The following UBE2E2 variants were observed in gnomAD, a reference collection of about 807,000 sequenced individuals.
The protein encoded by UBE2E2 is ubiquitin-conjugating enzyme E2 E2.
In UBE2E2, 6 loss-of-function variants were observed where a neutral mutation model predicts 24.7. That is an observed-to-expected ratio of 0.24 (90% CI 0.13 to 0.48). The LOEUF (loss-of-function observed/expected upper bound fraction) is 0.48. Among genes scored for constraint, UBE2E2 ranks in the 20% least tolerant of loss-of-function variants. The pLI is 0.99. For missense variants in UBE2E2, 169 were observed against 245.0 expected, an observed-to-expected ratio of 0.69 and a Z score of 2.07; for synonymous variants, 104 against 83.6, an observed-to-expected ratio of 1.24 and a Z score of -1.33.
chr3:23,237,191 G>A (rs1023544098), intron 3 of UBE2E2, among the ~76,000 whole-genome samples: 1 of 152,058 alleles, frequency 6.6e-6, no homozygotes, highest in African/African-American at 2.4e-5. Flanking sequence ...GGCATATAAG[G>A]GCTCAAAAAT....
chr3:23,574,958 C>G (rs139823797), intron 5 of UBE2E2, among the ~76,000 whole-genome samples: 175 of 152,246 alleles, frequency 1.1e-3, no homozygotes, highest in African/African-American at 4.1e-3. Context: ...TTTTGAGCAC[C>G]TACATGACTC....
rs2125378076 is a variant in UBE2E2 at position 23,407,957 on chromosome 3, C to T, written c.228-91651C>T. On this transcript the variant is annotated intron_variant, in intron 3 of 5. Transcript: ENST00000396703. This position sits in a 1 kb window ranked among gnomAD's most constrained non-coding sequence, Gnocchi z 4.0. ...TCTGAAATGAAATACAGATACTTAC[C>T]TTTATGTGTAATTGTGCTTCTGGTG... is the stretch of plus-strand genomic sequence containing the variant. Among the ~76,000 whole-genome samples, 1 of 149,952 alleles carries T rather than the reference C, an allele frequency of 6.7e-6. No homozygotes were observed. The highest frequency in any genetic ancestry group is 2.0e-4 in the East Asian group (1 of 5,112).
chr3:23,573,743 A>G (rs575760218), intron 5 of UBE2E2, among the ~76,000 whole-genome samples: 117 of 152,294 alleles, frequency 7.7e-4, no homozygotes, highest in African/African-American at 2.8e-3. Flanking sequence ...CACTTGCAAT[A>G]CCTAAATAGC....
chr3:23,425,219 GCTA>G (rs1275761534), intron 3 of UBE2E2, among the ~76,000 whole-genome samples: 1 of 152,122 alleles, frequency 6.6e-6, no homozygotes, highest in Admixed American at 6.6e-5. Flanking sequence ...CATTAAAACA[GCTA>G]CTTTTTAGTT....
chr3:23,378,656 T>C (rs1177770337), intron 3 of UBE2E2, among the ~76,000 whole-genome samples: 1 of 151,736 alleles, frequency 6.6e-6, no homozygotes, highest in Non-Finnish European at 1.5e-5. Flanking sequence ...GTGAATTGGC[T>C]TCTGTTTTTG....
At chr3:23,249,043 G>T (rs1697499535) in intron 3 of UBE2E2, among the ~76,000 whole-genome samples, 1 of 152,174 alleles carries the variant, frequency 6.6e-6, no homozygotes, top group African/African-American at 2.4e-5. Flanking sequence ...GGCTGACGTG[G>T]GAGGATTGCT....
At chr3:23,419,657 A>G (rs572034611) in intron 3 of UBE2E2, among the ~76,000 whole-genome samples, 1 of 152,130 alleles carries the variant, frequency 6.6e-6, no homozygotes, top group Non-Finnish European at 1.5e-5. Context: ...GCCAAACTAG[A>G]TTGTGAGCTC....
chr3:23,291,890 G>A (rs546825402), intron 3 of UBE2E2, among the ~76,000 whole-genome samples: 6 of 107,578 alleles, frequency 5.6e-5, no homozygotes, highest in Non-Finnish European at 8.5e-5. Context: ...ACAGAGTCTC[G>A]CTCTTTGGCC....
At chr3:23,524,237 A>G (rs1275589098) in intron 4 of UBE2E2, among the ~76,000 whole-genome samples, 1 of 152,042 alleles carries the variant, frequency 6.6e-6, no homozygotes, top group African/African-American at 2.4e-5. Flanking sequence ...TTTTTTTTAT[A>G]TTTATGCCTT....
intron 5 of UBE2E2, among the ~76,000 whole-genome samples, chr3:23,563,390 T>G (rs1001128241): frequency 2.0e-5 from 3 of 152,212 alleles, no homozygotes; most frequent in Non-Finnish European, 4.4e-5. Context: ...TTGAGTGAGT[T>G]TCTTAGTCCT....
intron 4 of UBE2E2, among the ~76,000 whole-genome samples, chr3:23,512,941 C>G (rs1160349973): frequency 6.6e-6 from 1 of 151,976 alleles, no homozygotes; most frequent in Non-Finnish European, 1.5e-5. Context: ...TACATACATG[C>G]ATACATACAT....
chr3:23,266,166 T>C (rs1559325287), intron 3 of UBE2E2, among the ~76,000 whole-genome samples: 1 of 152,208 alleles, frequency 6.6e-6, no homozygotes, highest in Non-Finnish European at 1.5e-5. Flanking sequence ...AATATTGTTA[T>C]GTGTGAATTT....
intron 3 of UBE2E2, among the ~76,000 whole-genome samples, chr3:23,436,028 G>A (rs566229621): frequency 1.3e-5 from 2 of 152,184 alleles, no homozygotes; most frequent in East Asian, 3.9e-4. Context: ...GATCCCCACT[G>A]CTATGAGGAT....
At chr3:23,240,152 A>T (rs1697219894) in intron 3 of UBE2E2, among the ~76,000 whole-genome samples, 1 of 152,194 alleles carries the variant, frequency 6.6e-6, no homozygotes, top group Non-Finnish European at 1.5e-5. Flanking sequence ...TTGGGTAAAC[A>T]TTCACCATTC....
At chr3:23,538,042 C>A (rs919027069) in intron 5 of UBE2E2, among the ~76,000 whole-genome samples, 1 of 152,056 alleles carries the variant, frequency 6.6e-6, no homozygotes. Context: ...AGAACAATTT[C>A]TTTAACTGAA....
In UBE2E2 at chr3:23,441,456, G is replaced by A. The variant is rs143285748; in HGVS notation, c.228-58152G>A. Among the ~76,000 whole-genome samples, 936 of 150,888 alleles carry A rather than the reference G, an allele frequency of 6.2e-3. 7 individuals carry two copies. Among genetic ancestry groups the A allele is most frequent in the African/African-American group, 0.022 (885 of 41,058 alleles). ...CGGGAGGCTGAGGCCAGGGAATGGCGTGAACCCGGGAGGCAGAGCTTGCAG... is the reference window on the plus strand; with the variant it reads ...CGGGAGGCTGAGGCCAGGGAATGGCATGAACCCGGGAGGCAGAGCTTGCAG... On this transcript the variant is annotated intron_variant, in intron 3 of 5. Coordinates refer to ENST00000396703, the MANE Select transcript of UBE2E2 (RefSeq NM_152653.4).
At chr3:23,254,950 C>A (rs1697673691) in intron 3 of UBE2E2, among the ~76,000 whole-genome samples, 1 of 151,772 alleles carries the variant, frequency 6.6e-6, no homozygotes, top group African/African-American at 2.4e-5. Flanking sequence ...AAGCATATGG[C>A]CATGTTTAGA....
chr3:23,299,368 G>A (rs1699006546), intron 3 of UBE2E2, among the ~76,000 whole-genome samples: 1 of 152,078 alleles, frequency 6.6e-6, no homozygotes, highest in East Asian at 1.9e-4. Context: ...TCTTTTAGTT[G>A]TGATGTTAGG....
chr3:23,353,309 C>G (rs1047721726), intron 3 of UBE2E2, among the ~76,000 whole-genome samples: 7 of 151,894 alleles, frequency 4.6e-5, no homozygotes, highest in Non-Finnish European at 1.0e-4. Flanking sequence ...GGAAGCATTC[C>G]CTTTGAAAAC....
Sources: gnomAD v4.1 joint callset for allele counts (sites outside exome capture counted in the v4.1 genomes callset) on GRCh38, gnomAD v4.1.1 for gene constraint, Gnocchi (gnomAD v3.1) non-coding constraint, MANE v1.5 for transcripts, NCBI Gene and HGNC (gene_info 2026-07-23, HGNC 2026-07-21) for gene names.